The following ANXA8 variants were observed in gnomAD, a reference collection of about 807,000 sequenced individuals.
The protein encoded by ANXA8 is annexin A8, also known as VAC-beta.
ANXA8 carries 9 observed loss-of-function variants against 26.8 expected under a neutral mutation model. The ratio of observed to expected loss-of-function variants is 0.34; its 90% CI spans 0.20 to 0.59. The LOEUF (loss-of-function observed/expected upper bound fraction) is 0.59. Ranked by LOEUF, ANXA8 falls within the 20% of genes least tolerant of loss-of-function variation. The pLI is 0.84. For missense variants in ANXA8, 83 were observed against 238.5 expected (o/e 0.35, Z 4.29); for synonymous variants, 39 against 94.8 (o/e 0.41, Z 3.42).
At chr10:47,733,237 T>G in the ANXA8 span, among the ~76,000 whole-genome samples, 27 of 55,846 alleles carry the variant, frequency 4.8e-4, no homozygotes, top group African/African-American at 1.3e-3. Context: ...CTTTCTCTCT[T>G]TCTTTCTTTC....
the ANXA8 span, among the ~76,000 whole-genome samples, chr10:47,643,891 A>AT: frequency 6.6e-5 from 4 of 60,358 alleles, no homozygotes; most frequent in Non-Finnish European, 1.2e-4. Flanking sequence ...AGTTCTGAAT[A>AT]TTTGCAAGTA....
At chr10:47,469,792 G>T (rs1377540753) in intron 11 of ANXA8, among the ~76,000 whole-genome samples, 1 of 151,522 alleles carries the variant, frequency 6.6e-6, no homozygotes, top group East Asian at 1.9e-4. Flanking sequence ...AGGTCTCATG[G>T]TTATTGTCTA....
upstream of ANXA8, among the ~76,000 whole-genome samples, chr10:47,487,712 A>T (rs1840072317): frequency 2.0e-5 from 3 of 147,196 alleles, no homozygotes; most frequent in South Asian, 6.5e-4. Flanking sequence ...ATATTGGATT[A>T]TCATTTTTAT....
chr10:47,756,537 GGGCCCCCA>G, the ANXA8 span, among the ~76,000 whole-genome samples: 1 of 135,308 alleles, frequency 7.4e-6, no homozygotes, highest in African/African-American at 2.8e-5. Flanking sequence ...GCTGCTCACT[GGGCCCCCA>G]GGCCCCCTGG....
At chr10:47,683,404 A>AT in the ANXA8 span, among the ~76,000 whole-genome samples, 1 of 151,472 alleles carries the variant, frequency 6.6e-6, no homozygotes, top group African/African-American at 2.4e-5. Context: ...AATTTTTTGT[A>AT]TTTTTAGTAG....
chr10:47,548,364 C>T, the ANXA8 span, among the ~76,000 whole-genome samples: 11 of 147,766 alleles, frequency 7.4e-5, no homozygotes, highest in Admixed American at 4.1e-4. Context: ...TGCAATGGCA[C>T]GATCTCGCCT....
chr10:47,735,445 A>G, the ANXA8 span, among the ~76,000 whole-genome samples: 3 of 149,182 alleles, frequency 2.0e-5, no homozygotes, highest in Non-Finnish European at 4.4e-5. Context: ...AAAGTGAGAA[A>G]AGTAACCCTT....
At chr10:47,701,189 A>T in the ANXA8 span, among the ~76,000 whole-genome samples, 3 of 150,268 alleles carry the variant, frequency 2.0e-5, no homozygotes, top group African/African-American at 7.4e-5. Flanking sequence ...CACCTATCAG[A>T]TTGGCAAAAT....
chr10:47,968,196 G>A, the ANXA8 span, among the ~76,000 whole-genome samples: 1 of 149,520 alleles, frequency 6.7e-6, no homozygotes, highest in South Asian at 2.1e-4. Flanking sequence ...TAGATTCCCT[G>A]TCATTTCTCT....
chr10:47,535,122 G>A, the ANXA8 span, among the ~76,000 whole-genome samples: 3 of 125,646 alleles, frequency 2.4e-5, no homozygotes, highest in Non-Finnish European at 4.7e-5. Context: ...TCATGGGCGC[G>A]CAACACATGC....
chr10:47,526,385 G>A, the ANXA8 span, among the ~76,000 whole-genome samples: 3 of 136,568 alleles, frequency 2.2e-5, no homozygotes, highest in Non-Finnish European at 4.6e-5. Flanking sequence ...GATTGCAGGC[G>A]TGAGCCACCA....
the ANXA8 span, among the ~76,000 whole-genome samples, chr10:47,557,092 T>C: frequency 2.3e-5 from 3 of 130,962 alleles, no homozygotes; most frequent in Non-Finnish European, 4.8e-5. Context: ...TTGCAACCTC[T>C]GTCTCCTGGG....
chr10:47,695,471 A>G, the ANXA8 span, among the ~76,000 whole-genome samples: 5 of 151,834 alleles, frequency 3.3e-5, no homozygotes, highest in Non-Finnish European at 7.4e-5. Flanking sequence ...GCATCAACAA[A>G]TGAGTTGGGC....
At chr10:47,976,662 A>C in the ANXA8 span, among the ~76,000 whole-genome samples, 1 of 148,294 alleles carries the variant, frequency 6.7e-6, no homozygotes, top group African/African-American at 2.5e-5. Context: ...CTCTCCAAAA[A>C]TCCCATCCTC....
At chr10:47,672,794 G>A in the ANXA8 span, among the ~76,000 whole-genome samples, 14 of 151,790 alleles carry the variant, frequency 9.2e-5, no homozygotes, top group Admixed American at 7.9e-4. Flanking sequence ...TCGAGGTCTG[G>A]GGAAAGAATT....
chr10:47,735,512 A>G, the ANXA8 span, among the ~76,000 whole-genome samples: 14 of 149,036 alleles, frequency 9.4e-5, 1 homozygote, highest in Non-Finnish European at 1.6e-4. Context: ...ATATTCCTTC[A>G]GTTGTTTTAT....
At chr10:47,663,365 G>A in the ANXA8 span, among the ~76,000 whole-genome samples, 1 of 143,810 alleles carries the variant, frequency 7.0e-6, no homozygotes, top group African/African-American at 2.9e-5. Context: ...ATTTGCGTGA[G>A]ATAAAGTCAT....
chr10:47,768,407 G>T, the ANXA8 span, among the ~76,000 whole-genome samples: 1 of 151,516 alleles, frequency 6.6e-6, no homozygotes, highest in East Asian at 1.9e-4. Context: ...AAGACATGAA[G>T]AAATTAGCTA....
At chr10:47,593,346 G>T in the ANXA8 span, among the ~76,000 whole-genome samples, 2 of 149,672 alleles carry the variant, frequency 1.3e-5, no homozygotes, top group East Asian at 3.9e-4. Flanking sequence ...CACCACCAAG[G>T]CCCAGAACCA....
Sources: gnomAD v4.1 joint callset for allele counts (sites outside exome capture counted in the v4.1 genomes callset) on GRCh38, gnomAD v4.1.1 for gene constraint, MANE v1.5 for transcripts, NCBI Gene and HGNC (gene_info 2026-07-23, HGNC 2026-07-21) for gene names.